R3HCC1L: variants seen among roughly 807,000 people sequenced by gnomAD.
R3HCC1L encodes the protein R3H domain and coiled-coil containing 1 like, also known as coiled-coil domain-containing protein R3HCC1L.
Under a neutral mutation model 59.9 loss-of-function variants are expected in R3HCC1L, and 51 were observed. The ratio of observed to expected loss-of-function variants is 0.85; its 90% confidence interval spans 0.68 to 1.07. The LOEUF is 1.07. Ranked by LOEUF, R3HCC1L falls within the 50% of genes least tolerant of loss-of-function variation. The pLI is 0.00. For synonymous variants in R3HCC1L, 322 were observed against 315.2 expected, an observed-to-expected ratio of 1.02 and a Z score of -0.23; for missense variants, 965 against 933.0, an observed-to-expected ratio of 1.03 and a Z score of -0.45.
At position 98,230,785 on chromosome 10, in the gene R3HCC1L, T is replaced by G. The variant is rs572364138; in HGVS notation, c.1786-727T>G. Among the ~76,000 whole-genome samples, 28 of 152,372 alleles carry G rather than the reference T, an allele frequency of 1.8e-4. No homozygotes were observed. In the East Asian group the frequency reaches 5.0e-3, roughly 27 times the overall value. ...CAGGTGAATGACAGAATGACTGTCA[T>G]GGCTTTGCTGCCGCTTTCCACTTTC... is the stretch of plus-strand genomic sequence containing the variant. On this transcript the variant is annotated intron_variant, in intron 5 of 9. Coordinates refer to ENST00000298999, the MANE Select transcript of R3HCC1L (RefSeq NM_001351015.2).
intron 9 of R3HCC1L, among the ~76,000 whole-genome samples, chr10:98,237,682 C>T (rs1047611305): frequency 1.3e-5 from 2 of 152,114 alleles, no homozygotes; most frequent in Admixed American, 6.5e-5. Context: ...GTTTCTCCTA[C>T]CTATTGGTGC....
At chr10:98,144,089 T>C (rs11189492) in intron 1 of R3HCC1L, among the ~76,000 whole-genome samples, 1 of 151,982 alleles carries the variant, frequency 6.6e-6, no homozygotes, top group Non-Finnish European at 1.5e-5. Context: ...AGAAGATTGC[T>C]TGAGCTCAGG....
At chr10:98,194,253 C>T (rs981211975) in intron 4 of R3HCC1L, among the ~76,000 whole-genome samples, 3 of 151,996 alleles carry the variant, frequency 2.0e-5, no homozygotes, top group African/African-American at 4.8e-5. Flanking sequence ...TTCAATAAAT[C>T]GTGTTGGGAA....
At chr10:98,174,556 A>G in intron 4 of R3HCC1L, 1 of 943,484 alleles carries the variant, frequency 1.1e-6, no homozygotes. Context: ...GGAGTATATA[A>G]TGAGAGTGAT....
intron 2 of R3HCC1L, among the ~76,000 whole-genome samples, chr10:98,158,680 C>T (rs1847115419): frequency 6.6e-6 from 1 of 152,170 alleles, no homozygotes; most frequent in African/African-American, 2.4e-5. Flanking sequence ...AACCTACAGA[C>T]ATTCAGATTT....
chr10:98,141,953 T>TA (rs1237748830), intron 1 of R3HCC1L, among the ~76,000 whole-genome samples: 2 of 152,182 alleles, frequency 1.3e-5, no homozygotes, highest in Admixed American at 6.5e-5. Flanking sequence ...GGTAGCAAGT[T>TA]AAAAAATGAG....
rs1856100011 is a variant in R3HCC1L, at chr10:98,229,513, A to T, written c.1786-1999A>T. Among the ~76,000 whole-genome samples the T allele has an allele frequency of 2.6e-5, 4 of 152,196 alleles. No individual in the cohort carries two copies. The South Asian group carries it at 8.3e-4, about 32-fold the overall frequency. Reference sequence around the variant, plus strand: ...AGTGGGGTTTTCTAGATATACAATCATGTCATCTGCAAACAGGGACAATTT... The same window carrying T: ...AGTGGGGTTTTCTAGATATACAATCTTGTCATCTGCAAACAGGGACAATTT... On this transcript the variant is annotated intron_variant, in intron 5 of 9. Transcript: ENST00000298999.
intron 4 of R3HCC1L, among the ~76,000 whole-genome samples, chr10:98,197,736 T>G (rs1334646875): frequency 6.6e-6 from 1 of 152,190 alleles, no homozygotes; most frequent in Admixed American, 6.5e-5. Context: ...GAGAGGCAGA[T>G]GTGCAAACAA....
At chr10:98,237,492 TC>T (rs775132238) in intron 9 of R3HCC1L, among the ~76,000 whole-genome samples, 2 of 152,212 alleles carry the variant, frequency 1.3e-5, no homozygotes, top group African/African-American at 2.4e-5. Context: ...TCTTGAGTAT[TC>T]CCTTTTCTTT....
chr10:98,205,169 C>T (rs190281696), intron 4 of R3HCC1L, among the ~76,000 whole-genome samples: 1,564 of 152,292 alleles, frequency 0.01, 11 homozygotes, highest in Middle Eastern at 0.038. Context: ...CTCATCACTT[C>T]CTAATTATTT....
intron 9 of R3HCC1L, among the ~76,000 whole-genome samples, chr10:98,242,773 C>T (rs1261574931): frequency 2.0e-5 from 3 of 152,104 alleles, no homozygotes; most frequent in African/African-American, 4.8e-5. Flanking sequence ...TGCTTTCATC[C>T]ATTGCCTTTA....
chr10:98,143,650 GC>G (rs1241997431), intron 1 of R3HCC1L, among the ~76,000 whole-genome samples: 1 of 152,164 alleles, frequency 6.6e-6, no homozygotes, highest in African/African-American at 2.4e-5. Context: ...CTTGCAGTTT[GC>G]CCCCTCAGTG....
At chr10:98,140,917 C>T (rs1019633935) in intron 1 of R3HCC1L, among the ~76,000 whole-genome samples, 1 of 151,826 alleles carries the variant, frequency 6.6e-6, no homozygotes, top group Non-Finnish European at 1.5e-5. Flanking sequence ...ATATAACTTA[C>T]TATAGAAAAC....
intron 4 of R3HCC1L, among the ~76,000 whole-genome samples, chr10:98,177,894 T>C (rs1252921): frequency 0.32 from 48,711 of 152,060 alleles, 7,979 homozygotes; most frequent in East Asian, 0.48. Flanking sequence ...TTTTTTCTTG[T>C]AAATTTGTTT....
intron 4 of R3HCC1L, among the ~76,000 whole-genome samples, chr10:98,188,092 C>G (rs955574412): frequency 6.6e-6 from 1 of 152,238 alleles, no homozygotes; most frequent in South Asian, 2.1e-4. Context: ...TTTACACACA[C>G]ACACACACAA....
At chr10:98,239,213 G>C (rs72826287) in intron 9 of R3HCC1L, among the ~76,000 whole-genome samples, 1 of 152,132 alleles carries the variant, frequency 6.6e-6, no homozygotes, top group African/African-American at 2.4e-5. Context: ...TGATATGACT[G>C]TTAAGAATTT....
intron 1 of R3HCC1L, among the ~76,000 whole-genome samples, chr10:98,145,119 A>G (rs749211324): frequency 6.7e-4 from 102 of 152,268 alleles, no homozygotes; most frequent in Admixed American, 1.2e-3. Context: ...ATTTGATCCA[A>G]TAGGTGACAG....
intron 1 of R3HCC1L, among the ~76,000 whole-genome samples, chr10:98,153,713 A>G (rs1846523214): frequency 6.6e-6 from 1 of 152,034 alleles, no homozygotes; most frequent in Admixed American, 6.5e-5. Context: ...TTGTGGCAAT[A>G]AGATACCAAA....
chr10:98,223,374 A>T (rs1165265086), intron 5 of R3HCC1L, among the ~76,000 whole-genome samples: 1 of 151,946 alleles, frequency 6.6e-6, no homozygotes, highest in Non-Finnish European at 1.5e-5. Context: ...GGGATGCAAG[A>T]TTTATTTTTC....
Sources: gnomAD v4.1 joint callset for allele counts (sites outside exome capture counted in the v4.1 genomes callset) on GRCh38, gnomAD v4.1.1 for gene constraint, MANE v1.5 for transcripts, NCBI Gene and HGNC (gene_info 2026-07-23, HGNC 2026-07-21) for gene names.